The following CORO2B variants were observed in gnomAD, a reference collection of about 807,000 sequenced individuals.
CORO2B encodes the protein coronin 2B.
CORO2B carries 26 observed loss-of-function variants against 58.8 expected under a neutral mutation model. The observed-to-expected ratio is 0.44, with a 90% CI of 0.32 to 0.61. The LOEUF is 0.61. Ranked by LOEUF, CORO2B falls within the 20% of genes least tolerant of loss-of-function variation. CORO2B has a pLI of 0.04. For missense variants in CORO2B, 460 were observed against 645.1 expected (o/e 0.71, Z 3.11); for synonymous variants, 242 against 253.8 (o/e 0.95, Z 0.44).
At chr15:68,605,710 G>GTTT (rs1900094882) in intron 1 of CORO2B, among the ~76,000 whole-genome samples, 1 of 137,108 alleles carries the variant, frequency 7.3e-6, no homozygotes, top group African/African-American at 3.0e-5. Flanking sequence ...AGGGCTCTTG[G>GTTT]GTTTTTTTTT....
At chr15:68,653,728 C>G (rs901625513) in intron 2 of CORO2B, among the ~76,000 whole-genome samples, 6 of 150,234 alleles carry the variant, frequency 4.0e-5, no homozygotes. Flanking sequence ...GTGCCCAGCT[C>G]AGTACTGAGG....
At chr15:68,723,373 C>T (rs1324528598) in intron 11 of CORO2B, among the ~76,000 whole-genome samples, 5 of 151,552 alleles carry the variant, frequency 3.3e-5, no homozygotes, top group African/African-American at 1.2e-4. Context: ...CCACCTGCCT[C>T]AGCCTCCCAA....
At chr15:68,519,611 A>G in the CORO2B span, among the ~76,000 whole-genome samples, 3 of 152,188 alleles carry the variant, frequency 2.0e-5, no homozygotes, top group South Asian at 6.2e-4. Flanking sequence ...TCTTTCCAAC[A>G]ACCAACTTTT....
chr15:68,594,726 T>C (rs1899785466), intron 1 of CORO2B, among the ~76,000 whole-genome samples: 1 of 152,158 alleles, frequency 6.6e-6, no homozygotes, highest in African/African-American at 2.4e-5. Context: ...TTCTTTGGGT[T>C]TGAAGTGAGA....
chr15:68,576,173 A>AAAAAAAAAAAAG (rs1555409381), upstream of CORO2B, among the ~76,000 whole-genome samples: 2 of 103,844 alleles, frequency 1.9e-5, no homozygotes, highest in African/African-American at 8.6e-5. Context: ...AAAAAAAAAA[A>AAAAAAAAAAAAG]AAAGAAAGAA....
intron 1 of CORO2B, among the ~76,000 whole-genome samples, chr15:68,590,820 C>A (rs1369449926): frequency 6.6e-6 from 1 of 152,040 alleles, no homozygotes; most frequent in Non-Finnish European, 1.5e-5. Context: ...TGTAAGTGAG[C>A]CAGTTTTGCC....
At position 68,627,886 on chromosome 15, in the gene CORO2B, A is replaced by AG. The variant is rs200701901; in HGVS notation, c.16-17274_16-17273insG. On this transcript the variant is annotated intron_variant, in intron 1 of 11. Transcript: ENST00000261861. Reference sequence around the variant, plus strand: ...CCCTGTATCATAGCTAACATAACTTAACTGAGCTTCTGGTGTAGAAGTTCG... The same window carrying AG: ...CCCTGTATCATAGCTAACATAACTTAGACTGAGCTTCTGGTGTAGAAGTTCG... 7.1e-3 allele frequency among the ~76,000 whole-genome samples: 1,087 copies of AG among 152,054 alleles called. 17 individuals carry two copies. Among genetic ancestry groups the AG allele is most frequent in the African/African-American group, 0.025 (1,027 of 41,472 alleles).
intron 11 of CORO2B, among the ~76,000 whole-genome samples, chr15:68,725,094 C>T (rs1893260164): frequency 6.6e-6 from 1 of 152,202 alleles, no homozygotes; most frequent in South Asian, 2.1e-4. Flanking sequence ...ACAAGCCGGG[C>T]ATGGTAGCTT....
intron 2 of CORO2B, among the ~76,000 whole-genome samples, chr15:68,690,160 T>C (rs1892322249): frequency 6.6e-6 from 1 of 152,264 alleles, no homozygotes; most frequent in Non-Finnish European, 1.5e-5. Flanking sequence ...TCTATCTCTG[T>C]ATTTGGTGGC....
In CORO2B at chr15:68,601,007, G is replaced by A. The variant is rs144632330; in HGVS notation, c.15+21730G>A. Reference sequence around the variant, plus strand: ...CTGTCTGACTTTTAATTAAAAGGGAGAGGACACCTCCTAGCCAGCCTTTAA... The same window carrying A: ...CTGTCTGACTTTTAATTAAAAGGGAAAGGACACCTCCTAGCCAGCCTTTAA... On this transcript the variant is annotated intron_variant, in intron 1 of 11. Transcript: ENST00000261861. Among the ~76,000 whole-genome samples, 190 of 152,326 alleles carry A rather than the reference G, an allele frequency of 1.2e-3. 1 individual carries two copies. Among genetic ancestry groups the A allele is most frequent in the African/African-American group, 4.4e-3 (184 of 41,580 alleles).
chr15:68,537,306 G>A, the CORO2B span, among the ~76,000 whole-genome samples: 1 of 152,244 alleles, frequency 6.6e-6, no homozygotes, highest in Non-Finnish European at 1.5e-5. Context: ...TGGCTGTGAG[G>A]ACACTCACAT....
chr15:68,589,459 C>A (rs976459491), intron 1 of CORO2B, among the ~76,000 whole-genome samples: 10 of 152,354 alleles, frequency 6.6e-5, no homozygotes, highest in African/African-American at 2.4e-4. Flanking sequence ...TGGACAAAAT[C>A]TCTACTGTTA....
In CORO2B at chr15:68,718,793, A is replaced by G; in HGVS notation, c.1063A>G (p.Met355Val). 1 of 1,613,770 alleles carries G rather than the reference A, an allele frequency of 6.2e-7. No individual in the cohort carries two copies. Among genetic ancestry groups the G allele is most frequent in the Non-Finnish European group, 8.5e-7 (1 of 1,179,692 alleles). Residue 355 changes from methionine (M) to valine (V), a missense_variant, in exon 9 of 12, where the codon ATG becomes GTG. Met to Val is a conservative substitution (Grantham distance 21). Coordinates refer to ENST00000261861, the MANE Select transcript of CORO2B (RefSeq NM_006091.5). ...CAAGGGCCTGATCGAGCCCATCTCC[A>G]TGATCGTGCCCCGGAGGGTAAGTGG... ...TLKGLIEPISMIVPRRSDSYQ... is the reference protein window; with the variant it reads ...TLKGLIEPISVIVPRRSDSYQ...
intron 1 of CORO2B, chr15:68,616,607 G>C: frequency 1.0e-6 from 1 of 985,496 alleles, no homozygotes; most frequent in Non-Finnish European, 1.2e-6. Context: ...GAATGATTCT[G>C]ACAAGCGGTG....
intron 2 of CORO2B, among the ~76,000 whole-genome samples, chr15:68,690,649 T>TTTTTTC (rs1892336171): frequency 7.1e-6 from 1 of 141,336 alleles, no homozygotes. Context: ...TAGCTTTCTT[T>TTTTTTC]TTTTTTTTTT....
At chr15:68,708,194 C>A (rs1013760618) in intron 3 of CORO2B, among the ~76,000 whole-genome samples, 1 of 152,148 alleles carries the variant, frequency 6.6e-6, no homozygotes, top group Non-Finnish European at 1.5e-5. Flanking sequence ...GCCACAGGAG[C>A]TGGCTCTGTG....
chr15:68,549,914 C>T, the CORO2B span, among the ~76,000 whole-genome samples: 7 of 150,074 alleles, frequency 4.7e-5, no homozygotes, highest in Non-Finnish European at 8.9e-5. Context: ...GCGCTCCAGC[C>T]TGGGCAACAG....
At chr15:68,595,229 C>T (rs1214157976) in intron 1 of CORO2B, among the ~76,000 whole-genome samples, 2 of 152,196 alleles carry the variant, frequency 1.3e-5, no homozygotes, top group South Asian at 2.1e-4. Context: ...CTGGACCCTA[C>T]CCTGCCTCAG....
the CORO2B span, among the ~76,000 whole-genome samples, chr15:68,557,662 C>T: frequency 2.0e-4 from 30 of 152,230 alleles, no homozygotes; most frequent in African/African-American, 7.2e-4. Context: ...GTGCTAAGCA[C>T]TTTATATGTA....
Sources: allele counts gnomAD v4.1 joint callset (sites outside exome capture counted in the v4.1 genomes callset), GRCh38; gene constraint gnomAD v4.1.1; transcripts MANE v1.5; gene names NCBI Gene and HGNC (gene_info 2026-07-23, HGNC 2026-07-21).